PRKCA: variants seen among roughly 807,000 people sequenced by gnomAD.
The protein encoded by PRKCA is protein kinase C alpha, also known as protein kinase C alpha type.
Under a neutral mutation model 87.0 loss-of-function variants are expected in PRKCA, and 27 were observed. The ratio of observed to expected loss-of-function variants is 0.31; its 90% CI spans 0.23 to 0.43. PRKCA has a LOEUF of 0.43. Ranked by LOEUF, PRKCA falls within the 20% of genes least tolerant of loss-of-function variation. The pLI is 1.00. For missense variants in PRKCA, 518 were observed against 852.3 expected (o/e 0.61, Z 4.88); for synonymous variants, 329 against 311.1 (o/e 1.06, Z -0.61).
At chr17:66,800,475 T>A (rs1029154978) in intron 16 of PRKCA, among the ~76,000 whole-genome samples, 3 of 152,156 alleles carry the variant, frequency 2.0e-5, no homozygotes, top group African/African-American at 7.2e-5. Context: ...CCCTCAGGAG[T>A]GACCCTTCTC....
rs2286674 is a variant in PRKCA, at chr17:66,804,434, A to G, written c.*397A>G. 15,883 of 158,340 alleles carry G rather than the reference A, an allele frequency of 0.1. 1,088 individuals are homozygous for G. Among genetic ancestry groups the G allele is most frequent in the East Asian group, 0.4 (2,157 of 5,382 alleles). 9.8% of individuals were successfully genotyped at this position (158,340 alleles called of 1,614,324 possible). On this transcript the variant is annotated 3_prime_UTR_variant, in exon 17 of 17. Coordinates refer to ENST00000413366, the MANE Select transcript of PRKCA (RefSeq NM_002737.3). Reference sequence around the variant, plus strand: ...ATGTTAAAGTGAGCCTGTCCCAGGAAACATCTCCACCCAAGACGTCTTTGG... The same window carrying G: ...ATGTTAAAGTGAGCCTGTCCCAGGAGACATCTCCACCCAAGACGTCTTTGG...
At chr17:66,573,863 G>A (rs933586045) in intron 3 of PRKCA, among the ~76,000 whole-genome samples, 2 of 152,186 alleles carry the variant, frequency 1.3e-5, no homozygotes, top group African/African-American at 2.4e-5. Flanking sequence ...AGGGGTGCAT[G>A]CCTGTAGTCC....
chr17:66,626,251 G>A (rs1970852059), intron 3 of PRKCA, among the ~76,000 whole-genome samples: 1 of 148,504 alleles, frequency 6.7e-6, no homozygotes, highest in African/African-American at 2.5e-5. Flanking sequence ...GCAGTGGCAT[G>A]ATCTTGGCTA....
intron 8 of PRKCA, among the ~76,000 whole-genome samples, chr17:66,699,620 C>T (rs79074652): frequency 0.11 from 17,157 of 152,290 alleles, 1,354 homozygotes; most frequent in African/African-American, 0.22. Context: ...CAAGGTCTCG[C>T]TCTGTTGCCC....
At chr17:66,428,301 C>A (rs1469141000) in intron 2 of PRKCA, among the ~76,000 whole-genome samples, 1 of 152,084 alleles carries the variant, frequency 6.6e-6, no homozygotes. Context: ...GGGATTCCAG[C>A]ACCGATATCG....
chr17:66,669,726 C>A (rs1282670406), intron 5 of PRKCA, among the ~76,000 whole-genome samples: 1 of 152,114 alleles, frequency 6.6e-6, no homozygotes, highest in Non-Finnish European at 1.5e-5. Context: ...CATGGTGAAA[C>A]CCCGTCTCTA....
chr17:66,426,425 G>C (rs749152368), intron 2 of PRKCA, among the ~76,000 whole-genome samples: 4 of 152,214 alleles, frequency 2.6e-5, no homozygotes, highest in Non-Finnish European at 5.9e-5. Context: ...TTATACAGGA[G>C]CAAGATTTCA....
rs1215070257 is a variant in PRKCA, at chr17:66,689,113, A to T, written c.918+66A>T. 7 of 1,023,510 alleles carry T rather than the reference A, an allele frequency of 6.8e-6. No homozygotes were observed. Among genetic ancestry groups the T allele is most frequent in the East Asian group, 5.2e-5 (2 of 38,302 alleles). The allele number at this position is 1,023,510 out of a possible 1,614,324, so 63.4% of individuals were successfully genotyped here. The stretch of plus-strand genomic sequence containing the variant: ...AAGCCCAACTTCAGGAACGGCCGAG[A>T]TGTTGTGGTCACATTTTTGAAAAGC... On this transcript the variant is annotated intron_variant, in intron 8 of 16. Coordinates refer to ENST00000413366, the MANE Select transcript of PRKCA (RefSeq NM_002737.3). This position sits in a 1 kb window ranked among gnomAD's most constrained non-coding sequence, Gnocchi z 4.1.
intron 2 of PRKCA, among the ~76,000 whole-genome samples, chr17:66,491,731 C>T (rs1308110023): frequency 2.0e-5 from 3 of 152,166 alleles, no homozygotes; most frequent in Non-Finnish European, 4.4e-5. Context: ...GTCTTTTCCT[C>T]TTTCAACAAT....
At chr17:66,635,059 G>A (rs1971115229) in intron 3 of PRKCA, among the ~76,000 whole-genome samples, 1 of 152,206 alleles carries the variant, frequency 6.6e-6, no homozygotes, top group Admixed American at 6.5e-5. Flanking sequence ...GGAGGAGGAA[G>A]GAGACTTTGA....
intron 3 of PRKCA, among the ~76,000 whole-genome samples, chr17:66,505,505 C>T (rs1037412176): frequency 1.3e-5 from 2 of 152,162 alleles, no homozygotes; most frequent in Non-Finnish European, 2.9e-5. Flanking sequence ...GTTCCTACCT[C>T]CCATCTTTGG....
chr17:66,562,915 C>T (rs569733711), intron 3 of PRKCA, among the ~76,000 whole-genome samples: 1 of 152,186 alleles, frequency 6.6e-6, no homozygotes, highest in East Asian at 1.9e-4. Context: ...AATTTTTATG[C>T]AGAATGGTTT....
intron 2 of PRKCA, among the ~76,000 whole-genome samples, chr17:66,443,064 G>A (rs1913857123): frequency 6.6e-6 from 1 of 152,148 alleles, no homozygotes. Context: ...TGATCTCTTG[G>A]ACTCCCGTTG....
chr17:66,716,366 G>A (rs1271434670), intron 8 of PRKCA, among the ~76,000 whole-genome samples: 2 of 152,106 alleles, frequency 1.3e-5, no homozygotes, highest in South Asian at 2.1e-4. Flanking sequence ...CAAAGTTCTC[G>A]AACAATGCTA....
At chr17:66,463,714 T>C (rs943529599) in intron 2 of PRKCA, among the ~76,000 whole-genome samples, 1 of 152,148 alleles carries the variant, frequency 6.6e-6, no homozygotes, top group Non-Finnish European at 1.5e-5. Flanking sequence ...GTTTTGTTTT[T>C]TTAATTTATT....
At chr17:66,641,027 G>T in intron 3 of PRKCA, 1 of 310,078 alleles carries the variant, frequency 3.2e-6, no homozygotes, top group East Asian at 9.0e-5. Context: ...ACATCGTGGT[G>T]GATGCCTGTA....
At chr17:66,509,178 ATG>A (rs35472661) in intron 3 of PRKCA, among the ~76,000 whole-genome samples, 3,787 of 147,050 alleles carry the variant, frequency 0.026, 90 homozygotes, top group Admixed American at 0.084. Context: ...GTGTGTGTGT[ATG>A]TGTGTGTGTG....
At chr17:66,783,527 C>T (rs560924153) in intron 14 of PRKCA, among the ~76,000 whole-genome samples, 66 of 152,270 alleles carry the variant, frequency 4.3e-4, no homozygotes, top group African/African-American at 1.5e-3. Context: ...CAGAAATGAG[C>T]ATACGTGGGG....
chr17:66,465,013 T>G (rs1485926987), intron 2 of PRKCA, among the ~76,000 whole-genome samples: 1 of 152,228 alleles, frequency 6.6e-6, no homozygotes, highest in African/African-American at 2.4e-5. Flanking sequence ...TTTGGTTTTT[T>G]TAATTAAATA....
Sources: allele counts gnomAD v4.1 joint callset (sites outside exome capture counted in the v4.1 genomes callset), GRCh38; gene constraint gnomAD v4.1.1; non-coding constraint Gnocchi (gnomAD v3.1); transcripts MANE v1.5; gene names NCBI Gene and HGNC (gene_info 2026-07-23, HGNC 2026-07-21).